PKD2L1: variants seen among roughly 807,000 people sequenced by gnomAD.
The protein encoded by PKD2L1 is polycystin 2 like 1, transient receptor potential cation channel, also known as polycystin-2-like protein 1.
Under a neutral mutation model 93.0 loss-of-function variants are expected in PKD2L1, and 77 were observed. The observed-to-expected ratio is 0.83, with a 90% CI of 0.69 to 1.00. PKD2L1 has a LOEUF of 1.00. PKD2L1 is among the 50% of genes least tolerant of loss of function. The pLI is 0.00. For synonymous variants in PKD2L1, 390 were observed against 388.0 expected, an observed-to-expected ratio of 1.01 and a Z score of -0.06; for missense variants, 977 against 990.9, an observed-to-expected ratio of 0.99 and a Z score of 0.19.
chr10:100,318,673 C>T (rs1193759590), intron 2 of PKD2L1, among the ~76,000 whole-genome samples: 1 of 147,406 alleles, frequency 6.8e-6, no homozygotes, highest in Admixed American at 6.8e-5. Context: ...CATCTGCCAC[C>T]ACACCCAGCT....
chr10:100,308,073 G>T (rs1303126504), intron 2 of PKD2L1, among the ~76,000 whole-genome samples: 1 of 152,118 alleles, frequency 6.6e-6, no homozygotes, highest in Admixed American at 6.5e-5. Context: ...CAGAGACTAG[G>T]TGATGGTTTC....
At chr10:100,293,639 G>A (rs1848456204) in intron 9 of PKD2L1, among the ~76,000 whole-genome samples, 1 of 152,150 alleles carries the variant, frequency 6.6e-6, no homozygotes, top group Non-Finnish European at 1.5e-5. Context: ...TGACCACAGA[G>A]ATACAATAAC....
chr10:100,304,355 ATAGT>A (rs1344856801), intron 2 of PKD2L1, among the ~76,000 whole-genome samples: 4 of 152,222 alleles, frequency 2.6e-5, no homozygotes, highest in African/African-American at 7.2e-5. Context: ...TCCGATGTTC[ATAGT>A]TAGTAGCCCA....
chr10:100,312,748 T>A (rs1471291855), intron 2 of PKD2L1, among the ~76,000 whole-genome samples: 2 of 152,192 alleles, frequency 1.3e-5, no homozygotes, highest in Middle Eastern at 3.4e-3. Flanking sequence ...TGATGGCTTG[T>A]AAATTCTCAT....
At chr10:100,296,367 G>T in intron 6 of PKD2L1, 75 bp from the exon 7 acceptor site, 1 of 1,237,936 alleles carries the variant, frequency 8.1e-7, no homozygotes, top group Non-Finnish European at 1.1e-6. Context: ...GAGGCCCCAA[G>T]GGAGAGTCAG....
chr10:100,316,541 T>TTGAA (rs1239403151), intron 2 of PKD2L1, among the ~76,000 whole-genome samples: 2 of 152,240 alleles, frequency 1.3e-5, no homozygotes, highest in African/African-American at 4.8e-5. Context: ...TCATAAATGT[T>TTGAA]TGAATGAATG....
chr10:100,301,231 G>A (rs11190463), intron 2 of PKD2L1, among the ~76,000 whole-genome samples: 8,223 of 152,218 alleles, frequency 0.054, 721 homozygotes, highest in African/African-American at 0.19. Flanking sequence ...AGGTCAGGGC[G>A]AAACTAGAAT....
intron 2 of PKD2L1, among the ~76,000 whole-genome samples, chr10:100,325,950 C>T (rs1252033301): frequency 1.3e-5 from 2 of 152,180 alleles, no homozygotes; most frequent in Non-Finnish European, 2.9e-5. Flanking sequence ...ATTGGGGAAG[C>T]GCCAGACCTT....
chr10:100,297,727 T>C, intron 4 of PKD2L1, 121 bp from the exon 5 acceptor site: 5 of 620,764 alleles, frequency 8.1e-6, no homozygotes, highest in Non-Finnish European at 1.4e-5. Context: ...TGTGTGTGTG[T>C]GTGTGTGTGT....
chr10:100,292,352 C>T (rs1295587773), intron 11 of PKD2L1, among the ~76,000 whole-genome samples: 3 of 152,014 alleles, frequency 2.0e-5, no homozygotes, highest in African/African-American at 4.8e-5. Context: ...ATTAGCCGGG[C>T]GTGGTGGCAC....
At chr10:100,314,429 G>A (rs1429835653) in intron 2 of PKD2L1, among the ~76,000 whole-genome samples, 1 of 152,166 alleles carries the variant, frequency 6.6e-6, no homozygotes, top group African/African-American at 2.4e-5. Flanking sequence ...AGAGAGAAGA[G>A]AGAGAAGGAA....
rs1848636253 is a variant in PKD2L1 at position 100,299,696 on chromosome 10, G to A, written c.372C>T (p.Ser124=). 6.2e-7 allele frequency: 1 copy of A among 1,613,608 alleles called. No homozygotes were observed. Among genetic ancestry groups the A allele is most frequent in the East Asian group, 2.2e-5 (1 of 44,880 alleles). Residue 124 remains serine, a synonymous_variant, in exon 3 of 16, where the codon TCC becomes TCT. Coordinates refer to ENST00000318222, the MANE Select transcript of PKD2L1 (RefSeq NM_016112.3). ...TCACTTTGGTGTAGTAATAAGCACT[G>A]GAGCTTGTCATTCCATAGGTCACTA... ...ICLLTYGMTS[S]SAYYYTKVMS... is the part of the protein sequence containing the mutation.
intron 2 of PKD2L1, among the ~76,000 whole-genome samples, chr10:100,306,159 A>G (rs1204447850): frequency 2.0e-5 from 3 of 152,116 alleles, no homozygotes. Context: ...CCCCTAAAAA[A>G]CATGGATTGC....
intron 2 of PKD2L1, among the ~76,000 whole-genome samples, chr10:100,321,764 G>C (rs774884118): frequency 0.032 from 44 of 1,390 alleles, 8 homozygotes; most frequent in African/African-American, 0.097. Context: ...AGAAGGGAGG[G>C]AGGGAGGGAG....
intron 2 of PKD2L1, among the ~76,000 whole-genome samples, chr10:100,324,291 T>C (rs1019768860): frequency 1.3e-5 from 2 of 152,240 alleles, no homozygotes; most frequent in Non-Finnish European, 2.9e-5. Flanking sequence ...CATTGACACA[T>C]GACTATTACC....
In PKD2L1 at chr10:100,303,191, G is replaced by GTTTTTTTTTTTT. The variant is rs146131470; in HGVS notation, c.350-3474_350-3473insAAAAAAAAAAAA. Among the ~76,000 whole-genome samples the GTTTTTTTTTTTT allele has an allele frequency of 3.1e-5, 4 of 128,984 alleles. 1 individual carries two copies. Among genetic ancestry groups the GTTTTTTTTTTTT allele is most frequent in the African/African-American group, 8.9e-5 (3 of 33,566 alleles). 84.6% of individuals were successfully genotyped at this position (128,984 alleles called of 152,430 possible). A position where few individuals can be genotyped will look rare whatever the true frequency, so the allele number is the denominator to read the frequency against. On this transcript the variant is annotated intron_variant, in intron 2 of 15. Coordinates refer to ENST00000318222, the MANE Select transcript of PKD2L1 (RefSeq NM_016112.3). ...TTTAAGTCCATAATTACATCAAACT[G>GTTTTTTTTTTTT]TTTTTTTGTTTTTTTTTTTGAGACG... is the stretch of plus-strand genomic sequence containing the variant.
chr10:100,307,491 T>C (rs1297101474), intron 2 of PKD2L1, among the ~76,000 whole-genome samples: 1 of 152,080 alleles, frequency 6.6e-6, no homozygotes, highest in African/African-American at 2.4e-5. Context: ...AGACCTTGTC[T>C]CTACAAAATA....
chr10:100,290,582 C>T lies in PKD2L1; in HGVS notation c.2008-63G>A. 9.2e-6 allele frequency: 9 copies of T among 973,830 alleles called. No individual in the cohort carries two copies. The South Asian group carries it at 1.1e-4, about 11-fold the overall frequency. 60.3% of individuals were successfully genotyped at this position (973,830 alleles called of 1,614,324 possible). On this transcript the variant is annotated intron_variant, in intron 12 of 15. Coordinates refer to ENST00000318222, the MANE Select transcript of PKD2L1 (RefSeq NM_016112.3). ...CTCTGGGAAGCCATCAGCTCCTGTT[C>T]TATCACCTACTCTACTGGGATCTCA...
At chr10:100,313,036 A>C (rs1848968266) in intron 2 of PKD2L1, among the ~76,000 whole-genome samples, 1 of 152,146 alleles carries the variant, frequency 6.6e-6, no homozygotes, top group Non-Finnish European at 1.5e-5. Flanking sequence ...GTAAAACGTA[A>C]AAGTCCTGTC....
Sources: gnomAD v4.1 joint callset for allele counts (sites outside exome capture counted in the v4.1 genomes callset) on GRCh38, gnomAD v4.1.1 for gene constraint, MANE v1.5 for transcripts, NCBI Gene and HGNC (gene_info 2026-07-23, HGNC 2026-07-21) for gene names.